The following PLEKHA7 variants were observed in gnomAD, a reference collection of about 807,000 sequenced individuals.
The protein encoded by PLEKHA7 is pleckstrin homology domain containing A7, also known as pleckstrin homology domain-containing family A member 7.
A neutral mutation model predicts 170.0 loss-of-function variants in PLEKHA7; 104 were observed. That is an observed-to-expected ratio of 0.61 (90% CI 0.52 to 0.72). The LOEUF is 0.72. Ranked by LOEUF, PLEKHA7 falls within the 30% of genes least tolerant of loss-of-function variation. The pLI, the probability that PLEKHA7 is intolerant of heterozygous loss-of-function variation, is 0.00. For synonymous variants in PLEKHA7, 648 were observed against 660.8 expected (o/e 0.98, Z 0.30); for missense variants, 1,615 against 1,671.7 (o/e 0.97, Z 0.59).
chr11:16,871,147 A>T lies in PLEKHA7; in HGVS notation c.257T>A (p.Val86Glu). The T allele has an allele frequency of 6.2e-7, 1 of 1,610,244 alleles. No individual in the cohort carries two copies. ...NQQTTAFRHP[V>E]TGQFSPENSE... ...ATTTTCTGGAGAAAACTGTCCCGTC[A>T]CAGGATGCCTGAATGCTGTGGTCTG... Residue 86 changes from valine (V) to glutamate (E), a missense_variant, in exon 4 of 27, where the codon GTG becomes GAG. Transcript: ENST00000531066.
intron 3 of PLEKHA7, among the ~76,000 whole-genome samples, chr11:16,884,764 C>T (rs1231510591): frequency 5.3e-5 from 8 of 152,162 alleles, no homozygotes; most frequent in Non-Finnish European, 1.2e-4. Flanking sequence ...TCCATGCAGT[C>T]CTCAACACTC....
intron 3 of PLEKHA7, among the ~76,000 whole-genome samples, chr11:16,930,120 A>G (rs1327301383): frequency 6.6e-6 from 1 of 152,234 alleles, no homozygotes; most frequent in Non-Finnish European, 1.5e-5. Context: ...TTTGCTTCAC[A>G]TTTTGAGCTT....
At chr11:16,822,862 C>T (rs217755) in intron 10 of PLEKHA7, among the ~76,000 whole-genome samples, 32,927 of 152,094 alleles carry the variant, frequency 0.22, 3,688 homozygotes, top group East Asian at 0.36. Flanking sequence ...CAGATTTCTG[C>T]GCAGGGGACC....
chr11:16,981,700 G>A (rs2136855156), intron 3 of PLEKHA7, among the ~76,000 whole-genome samples: 1 of 152,070 alleles, frequency 6.6e-6, no homozygotes, highest in South Asian at 2.1e-4. Flanking sequence ...GAAAAATGAA[G>A]GAATGAGGAG....
At chr11:16,788,175 C>T (rs190139570) in intron 23 of PLEKHA7, 1 of 152,406 alleles carries the variant, frequency 6.6e-6, no homozygotes, top group South Asian at 2.1e-4. Context: ...TTGGCTCAGG[C>T]TTGTGGGGTG....
intron 3 of PLEKHA7, among the ~76,000 whole-genome samples, chr11:16,908,241 C>A: frequency 7.0e-6 from 1 of 142,702 alleles, no homozygotes; most frequent in African/African-American, 2.7e-5. Flanking sequence ...GCGAGAAACA[C>A]CCAAGAATGA....
chr11:16,874,063 C>T (rs1328368633), intron 3 of PLEKHA7, among the ~76,000 whole-genome samples: 1 of 152,188 alleles, frequency 6.6e-6, no homozygotes, highest in Non-Finnish European at 1.5e-5. Flanking sequence ...GGGAAAAAAG[C>T]CCTGCTCATA....
At chr11:16,892,406 TTGTGTGTG>T (rs58762762) in intron 3 of PLEKHA7, among the ~76,000 whole-genome samples, 32 of 136,906 alleles carry the variant, frequency 2.3e-4, no homozygotes, top group African/African-American at 7.1e-4. Flanking sequence ...TTGTTTTATT[TTGTGTGTG>T]TGTGTGTGTG....
intron 3 of PLEKHA7, among the ~76,000 whole-genome samples, chr11:16,971,182 C>G (rs1252938506): frequency 6.6e-6 from 1 of 152,130 alleles, no homozygotes; most frequent in Non-Finnish European, 1.5e-5. Context: ...TTCTGCATGA[C>G]CTTTACACAA....
chr11:16,895,541 G>A (rs116751821), intron 3 of PLEKHA7, among the ~76,000 whole-genome samples: 2,365 of 152,314 alleles, frequency 0.016, 60 homozygotes, highest in African/African-American at 0.054. Flanking sequence ...ACAGCAGAGA[G>A]AGAGCTCAGT....
intron 3 of PLEKHA7, among the ~76,000 whole-genome samples, chr11:16,912,537 T>C (rs1339888279): frequency 6.6e-6 from 1 of 152,236 alleles, no homozygotes; most frequent in Non-Finnish European, 1.5e-5. Flanking sequence ...TTTTGCCTCT[T>C]AAATGCTGAC....
At chr11:16,868,013 T>C (rs1043444378) in intron 4 of PLEKHA7, among the ~76,000 whole-genome samples, 2 of 152,092 alleles carry the variant, frequency 1.3e-5, no homozygotes, top group Non-Finnish European at 2.9e-5. Context: ...TCACTTAAAC[T>C]CAACTGGTGT....
intron 8 of PLEKHA7, among the ~76,000 whole-genome samples, chr11:16,844,940 G>A (rs956181559): frequency 1.3e-5 from 2 of 152,204 alleles, no homozygotes; most frequent in Non-Finnish European, 2.9e-5. Context: ...AAGTTGGAGG[G>A]ACAGCCTTAA....
At chr11:16,996,044 T>A (rs1454841459) in intron 3 of PLEKHA7, among the ~76,000 whole-genome samples, 1 of 152,232 alleles carries the variant, frequency 6.6e-6, no homozygotes, top group Non-Finnish European at 1.5e-5. Context: ...TGGCCCACCA[T>A]AGCCATTATA....
Position 16,791,996 on chromosome 11 carries a change from GTTTTGT to G in PLEKHA7, c.2746-803_2746-798del, listed in dbSNP as rs1366916877. Among the ~76,000 whole-genome samples the G allele has an allele frequency of 4.6e-5, 7 of 152,118 alleles. No individual in the cohort carries two copies. Among genetic ancestry groups the G allele is most frequent in the African/African-American group, 7.2e-5 (3 of 41,410 alleles). On this transcript the variant is annotated intron_variant, in intron 19 of 26. Transcript: ENST00000531066. This position sits in a 1 kb window ranked among gnomAD's most constrained non-coding sequence, Gnocchi z 4.5. ...ATTCCCTCTTTCTCGGTCTAATTTGGTTTTGTTTTTAAGAATTTTGCAGAGTTCAGG... is the reference window on the plus strand; with the variant it reads ...ATTCCCTCTTTCTCGGTCTAATTTGGTTTTAAGAATTTTGCAGAGTTCAGG...
chr11:16,985,961 C>A (rs776259548), intron 3 of PLEKHA7, among the ~76,000 whole-genome samples: 1 of 152,228 alleles, frequency 6.6e-6, no homozygotes, highest in Non-Finnish European at 1.5e-5. Flanking sequence ...ATCACAAACC[C>A]TTGATGGCGG....
chr11:16,928,648 GACTC>G (rs1859730557), intron 3 of PLEKHA7, among the ~76,000 whole-genome samples: 1 of 151,764 alleles, frequency 6.6e-6, no homozygotes, highest in African/African-American at 2.4e-5. Flanking sequence ...TAGAGATGGG[GACTC>G]ACTATGTTGT....
chr11:16,991,226 G>C (rs1189401523), intron 3 of PLEKHA7, among the ~76,000 whole-genome samples: 1 of 152,008 alleles, frequency 6.6e-6, no homozygotes, highest in Non-Finnish European at 1.5e-5. Flanking sequence ...GTCCCAAAGA[G>C]GGAAAATCAT....
chr11:16,962,341 G>A (rs146847487), intron 3 of PLEKHA7, among the ~76,000 whole-genome samples: 4 of 152,334 alleles, frequency 2.6e-5, no homozygotes, highest in African/African-American at 7.2e-5. Flanking sequence ...TTGGCGACCA[G>A]TCAATGAGCA....
Sources: allele counts gnomAD v4.1 joint callset (sites outside exome capture counted in the v4.1 genomes callset), GRCh38; gene constraint gnomAD v4.1.1; non-coding constraint Gnocchi (gnomAD v3.1); transcripts MANE v1.5; gene names NCBI Gene and HGNC (gene_info 2026-07-23, HGNC 2026-07-21).